NADK2: variants seen among roughly 807,000 people sequenced by gnomAD.
NADK2 encodes the protein NAD kinase 2, mitochondrial.
Under a neutral mutation model 62.1 loss-of-function variants are expected in NADK2, and 35 were observed. That is an observed-to-expected ratio of 0.56 (90% CI 0.43 to 0.75). The LOEUF is 0.75. Ranked by LOEUF, NADK2 falls within the 30% of genes least tolerant of loss-of-function variation. NADK2 has a pLI of 0.00. For missense variants in NADK2, 439 were observed against 561.3 expected, an observed-to-expected ratio of 0.78 and a Z score of 2.20; for synonymous variants, 205 against 207.9, an observed-to-expected ratio of 0.99 and a Z score of 0.12.
chr5:36,204,915 ACT>A (rs913792752), intron 8 of NADK2, among the ~76,000 whole-genome samples: 1 of 151,982 alleles, frequency 6.6e-6, no homozygotes, highest in African/African-American at 2.4e-5. Flanking sequence ...CTATTTTGTC[ACT>A]CTTATACATA....
At chr5:36,223,651 TC>T (rs1433755898) in intron 4 of NADK2, among the ~76,000 whole-genome samples, 2 of 152,096 alleles carry the variant, frequency 1.3e-5, no homozygotes, top group Non-Finnish European at 2.9e-5. Flanking sequence ...GACTAAAATA[TC>T]CAGTAGATTC....
At chr5:36,228,807 G>A (rs925082900) in intron 1 of NADK2, among the ~76,000 whole-genome samples, 3 of 146,772 alleles carry the variant, frequency 2.0e-5, no homozygotes, top group Admixed American at 2.0e-4. Flanking sequence ...TTTTTTTTTG[G>A]TAGAAATGGG....
At chr5:36,238,820 T>C (rs1187209739) in intron 1 of NADK2, among the ~76,000 whole-genome samples, 3 of 152,338 alleles carry the variant, frequency 2.0e-5, no homozygotes, top group East Asian at 3.9e-4. Flanking sequence ...AATAAAGCAA[T>C]GTAACCAATA....
At chr5:36,212,037 T>C in intron 6 of NADK2, 115 bp from the exon 7 acceptor site, 1 of 694,366 alleles carries the variant, frequency 1.4e-6, no homozygotes. Flanking sequence ...AAGAATCACA[T>C]ACTTTAATAC....
intron 6 of NADK2, among the ~76,000 whole-genome samples, chr5:36,215,345 C>T (rs1747003433): frequency 6.6e-6 from 1 of 152,090 alleles, no homozygotes; most frequent in South Asian, 2.1e-4. Context: ...TTATGGAGAA[C>T]AGGTAATATT....
Position 36,205,724 on chromosome 5 carries a change from A to G in NADK2, c.956+1446T>C, listed in dbSNP as rs1350586813. Among the ~76,000 whole-genome samples the G allele has an allele frequency of 6.6e-6, 1 of 152,178 alleles. No individual in the cohort carries two copies. The highest frequency in any genetic ancestry group is 1.5e-5 in the Non-Finnish European group (1 of 68,030). ...CATAAATTAGTGCAACCATTGTGGA[A>G]GACAGTGTGGCGATTCCTCAAGGAT... is the stretch of plus-strand genomic sequence containing the variant. On this transcript the variant is annotated intron_variant, in intron 8 of 11. Coordinates refer to ENST00000381937, the MANE Select transcript of NADK2 (RefSeq NM_001085411.3). This position sits in a 1 kb window ranked among gnomAD's most constrained non-coding sequence, Gnocchi z 4.1.
chr5:36,214,185 T>C (rs1412225410), intron 6 of NADK2, among the ~76,000 whole-genome samples: 9 of 152,246 alleles, frequency 5.9e-5, no homozygotes, highest in Admixed American at 5.9e-4. Flanking sequence ...TCCATACCAA[T>C]TACTTTTTTT....
intron 11 of NADK2, 152 bp downstream of exon 11, chr5:36,197,389 A>G: frequency 2.0e-6 from 2 of 976,360 alleles, no homozygotes; most frequent in Non-Finnish European, 3.0e-6. Context: ...CCGGGTTAGC[A>G]TGATACCTTG....
chr5:36,218,696 A>G (rs1219284893), intron 5 of NADK2, among the ~76,000 whole-genome samples: 2 of 152,196 alleles, frequency 1.3e-5, no homozygotes, highest in African/African-American at 2.4e-5. Flanking sequence ...TCTCTCAAAT[A>G]TAATTGGCCA....
intron 11 of NADK2, among the ~76,000 whole-genome samples, chr5:36,195,932 G>A (rs1283979446): frequency 6.6e-6 from 1 of 152,100 alleles, no homozygotes; most frequent in Non-Finnish European, 1.5e-5. Context: ...TTCCTCAAAA[G>A]TATGTTTGTG....
At chr5:36,238,017 ACT>A (rs1207908859) in intron 1 of NADK2, among the ~76,000 whole-genome samples, 6 of 152,080 alleles carry the variant, frequency 3.9e-5, no homozygotes, top group African/African-American at 1.4e-4. Flanking sequence ...TTAGATAGAC[ACT>A]CTGGTAACTG....
chr5:36,202,383 T>A (rs956809103), intron 8 of NADK2, among the ~76,000 whole-genome samples: 171 of 152,188 alleles, frequency 1.1e-3, no homozygotes, highest in African/African-American at 3.9e-3. Context: ...AAGAAACTAA[T>A]TGAAACATAT....
At chr5:36,215,366 C>T (rs1453202443) in intron 6 of NADK2, among the ~76,000 whole-genome samples, 5 of 152,148 alleles carry the variant, frequency 3.3e-5, no homozygotes, top group African/African-American at 1.2e-4. Flanking sequence ...TTGATACATG[C>T]ATACAATGTA....
At chr5:36,232,092 T>C (rs1225745297) in intron 1 of NADK2, among the ~76,000 whole-genome samples, 2 of 152,156 alleles carry the variant, frequency 1.3e-5, no homozygotes, top group Admixed American at 6.5e-5. Context: ...AGCTCTGATA[T>C]TAAAATAAAG....
At chr5:36,224,283 G>C (rs948399730) in intron 4 of NADK2, among the ~76,000 whole-genome samples, 1 of 152,150 alleles carries the variant, frequency 6.6e-6, no homozygotes, top group Non-Finnish European at 1.5e-5. Context: ...GAATTGTGCA[G>C]AAAGATAATG....
chr5:36,200,310 T>C, intron 9 of NADK2, 30 bp from the exon 10 acceptor site: 1 of 1,497,592 alleles, frequency 6.7e-7, no homozygotes, highest in Non-Finnish European at 9.1e-7. Flanking sequence ...GGAAAATGTA[T>C]GTTATAAATA....
At chr5:36,200,845 T>C (rs965018800) in intron 9 of NADK2, among the ~76,000 whole-genome samples, 1 of 152,028 alleles carries the variant, frequency 6.6e-6, no homozygotes, top group Non-Finnish European at 1.5e-5. Context: ...GCAAATCAGA[T>C]ATGCCAAAGA....
chr5:36,230,493 T>C (rs1253463695), intron 1 of NADK2, among the ~76,000 whole-genome samples: 1 of 152,252 alleles, frequency 6.6e-6, no homozygotes, highest in African/African-American at 2.4e-5. Context: ...TGAATCTCCT[T>C]ACTAGAATAT....
intron 4 of NADK2, 38 bp downstream of exon 4, chr5:36,225,504 C>G: frequency 1.3e-6 from 2 of 1,559,732 alleles, no homozygotes; most frequent in African/African-American, 2.7e-5. Flanking sequence ...AAAAAGCACA[C>G]CACACAAATC....
Sources: gnomAD v4.1 joint callset for allele counts (sites outside exome capture counted in the v4.1 genomes callset) on GRCh38, gnomAD v4.1.1 for gene constraint, Gnocchi (gnomAD v3.1) non-coding constraint, MANE v1.5 for transcripts, NCBI Gene and HGNC (gene_info 2026-07-23, HGNC 2026-07-21) for gene names.